Variants in CDH13 observed in about 807,000 individuals in gnomAD.
The protein encoded by CDH13 is cadherin 13, also known as cadherin-13.
CDH13 carries 24 observed loss-of-function variants against 63.8 expected under a neutral mutation model. The ratio of observed to expected loss-of-function variants is 0.38; its 90% confidence interval spans 0.27 to 0.53. The LOEUF is 0.53. CDH13 is among the 20% of genes least tolerant of loss of function. The pLI, the probability that CDH13 is intolerant of heterozygous loss-of-function variation, is 0.85. For synonymous variants in CDH13, 503 were observed against 355.3 expected, an observed-to-expected ratio of 1.42 and a Z score of -4.67; for missense variants, 1,049 against 903.1, an observed-to-expected ratio of 1.16 and a Z score of -2.07.
At position 83,762,060 on chromosome 16, in the gene CDH13, TA is replaced by T. The variant is rs779827576; in HGVS notation, c.1681+13816del. Among the ~76,000 whole-genome samples, 225 of 152,178 alleles carry T rather than the reference TA, an allele frequency of 1.5e-3. 2 individuals are homozygous for T. The highest frequency in any genetic ancestry group is 2.7e-3 in the Non-Finnish European group (187 of 68,002). ...CTGGGTGACAGAGCGAGACCCCACCTAAAAAATAAAATAAAAATAAAATAAG... is the reference window on the plus strand; with the variant it reads ...CTGGGTGACAGAGCGAGACCCCACCTAAAAATAAAATAAAAATAAAATAAG... On this transcript the variant is annotated intron_variant, in intron 11 of 13. Transcript: ENST00000567109.
chr16:83,121,962 T>TCACACACACACACA lies in CDH13; in HGVS notation c.367-3403_367-3390dup, dbSNP rs10665608. Among the ~76,000 whole-genome samples the TCACACACACACACA allele has an allele frequency of 2.3e-3, 346 of 147,500 alleles. 3 individuals are homozygous for TCACACACACACACA. The highest frequency in any genetic ancestry group is 8.2e-3 in the African/African-American group (327 of 39,996). On this transcript the variant is annotated intron_variant, in intron 3 of 13. Coordinates refer to ENST00000567109, the MANE Select transcript of CDH13 (RefSeq NM_001257.5). ...TTACATAAATTTTCCTTTAAAACTG[T>TCACACACACACACA]CACACACACACACACACACACACAC... is the stretch of plus-strand genomic sequence containing the variant.
chr16:82,798,967 T>A (rs537298920), intron 1 of CDH13, among the ~76,000 whole-genome samples: 32 of 152,134 alleles, frequency 2.1e-4, no homozygotes, highest in Non-Finnish European at 3.8e-4. Flanking sequence ...GCAGAGTTAT[T>A]TAGGACCTGA....
intron 2 of CDH13, among the ~76,000 whole-genome samples, chr16:82,932,000 A>G (rs2042511973): frequency 6.6e-6 from 1 of 152,172 alleles, no homozygotes; most frequent in Admixed American, 6.5e-5. Flanking sequence ...AGGGGGGCAC[A>G]GTTAAGACCT....
At chr16:83,647,543 T>C (rs966391581) in intron 8 of CDH13, among the ~76,000 whole-genome samples, 2 of 152,220 alleles carry the variant, frequency 1.3e-5, no homozygotes, top group Non-Finnish European at 2.9e-5. Flanking sequence ...CATGCGTGTG[T>C]GTGTTGAACT....
At chr16:83,689,365 C>T (rs532902545) in intron 10 of CDH13, among the ~76,000 whole-genome samples, 1 of 152,138 alleles carries the variant, frequency 6.6e-6, no homozygotes, top group Non-Finnish European at 1.5e-5. Flanking sequence ...GAAAAAGCCA[C>T]ACATTTCAGG....
intron 7 of CDH13, among the ~76,000 whole-genome samples, chr16:83,567,076 C>T (rs938461715): frequency 1.3e-5 from 2 of 152,156 alleles, no homozygotes; most frequent in African/African-American, 4.8e-5. Flanking sequence ...CAATTTTCCC[C>T]ATTTGCCATC....
chr16:83,657,357 A>G (rs1912960929), intron 8 of CDH13, among the ~76,000 whole-genome samples: 2 of 152,146 alleles, frequency 1.3e-5, no homozygotes, highest in African/African-American at 4.8e-5. Flanking sequence ...ACCGTCAAGA[A>G]GACAGGCTGC....
At chr16:82,842,123 TATATATATATATATAC>T (rs1567590380) in intron 1 of CDH13, among the ~76,000 whole-genome samples, 7 of 47,822 alleles carry the variant, frequency 1.5e-4, no homozygotes, top group African/African-American at 3.5e-4. Flanking sequence ...TATATATATA[TATATATATATATATAC>T]ACATATATAT....
chr16:83,722,121 G>A (rs917187609), intron 10 of CDH13, among the ~76,000 whole-genome samples: 50 of 152,104 alleles, frequency 3.3e-4, no homozygotes, highest in African/African-American at 1.2e-3. Context: ...AGAGTGGGGA[G>A]GAGTGTGCCA....
chr16:83,134,253 C>T (rs915203515), intron 4 of CDH13, among the ~76,000 whole-genome samples: 16 of 152,094 alleles, frequency 1.1e-4, no homozygotes, highest in African/African-American at 3.9e-4. Flanking sequence ...AGTGCAGTGG[C>T]ACAATCTTGG....
In CDH13 at chr16:83,017,870, G is replaced by A. The variant is rs537476619; in HGVS notation, c.158-14140G>A. 1.9e-3 allele frequency among the ~76,000 whole-genome samples: 289 copies of A among 152,304 alleles called. 1 individual carries two copies. The highest frequency in any genetic ancestry group is 0.017 in the Middle Eastern group (5 of 294). The stretch of plus-strand genomic sequence containing the variant: ...AAATGATGTCCTGCTAGCATCTGCA[G>A]CTGGGTCATAAACCAAAGCTTAATG... On this transcript the variant is annotated intron_variant, in intron 2 of 13. Coordinates refer to ENST00000567109, the MANE Select transcript of CDH13 (RefSeq NM_001257.5).
intron 3 of CDH13, among the ~76,000 whole-genome samples, chr16:83,043,512 T>C (rs969054139): frequency 2.0e-5 from 3 of 151,928 alleles, no homozygotes; most frequent in African/African-American, 7.3e-5. Context: ...TGTGTGTGTG[T>C]GTGTGTGTGT....
chr16:82,967,422 C>G (rs1346313901), intron 2 of CDH13, among the ~76,000 whole-genome samples: 1 of 152,134 alleles, frequency 6.6e-6, no homozygotes, highest in African/African-American at 2.4e-5. Context: ...TGAGCTCATA[C>G]CTGGTTCGTA....
At chr16:83,144,051 G>C (rs575866577) in intron 4 of CDH13, among the ~76,000 whole-genome samples, 1 of 152,074 alleles carries the variant, frequency 6.6e-6, no homozygotes, top group Non-Finnish European at 1.5e-5. Context: ...TATGAGATAA[G>C]GCTAGTAACA....
At position 83,314,224 on chromosome 16, in the gene CDH13, C is replaced by G. The variant is rs1382918888; in HGVS notation, c.637-30638C>G. ...GGAAACGGACAATCTATAATATCTT[C>G]TCTCTTCTTCTTCTTTTTTAACCAA... On this transcript the variant is annotated intron_variant, in intron 5 of 13. Transcript: ENST00000567109. Among the ~76,000 whole-genome samples the G allele has an allele frequency of 2.0e-5, 3 of 152,130 alleles. 1 individual carries two copies. The highest frequency in any genetic ancestry group is 7.2e-5 in the African/African-American group (3 of 41,426).
intron 2 of CDH13, among the ~76,000 whole-genome samples, chr16:82,952,585 A>T (rs776207826): frequency 4.7e-4 from 71 of 152,232 alleles, no homozygotes; most frequent in Non-Finnish European, 8.7e-4. Flanking sequence ...TAATAACAGT[A>T]GCTAATATCT....
intron 6 of CDH13, among the ~76,000 whole-genome samples, chr16:83,398,371 A>C (rs956579342): frequency 3.3e-5 from 5 of 151,940 alleles, no homozygotes; most frequent in African/African-American, 1.2e-4. Context: ...CATCATTTTC[A>C]TCTCTGCCTT....
intron 6 of CDH13, among the ~76,000 whole-genome samples, chr16:83,420,577 G>A (rs746756006): frequency 6.6e-6 from 1 of 152,130 alleles, no homozygotes; most frequent in African/African-American, 2.4e-5. Flanking sequence ...ATTACCAGTG[G>A]TACCATTATC....
chr16:82,833,994 T>C (rs574134825), intron 1 of CDH13, among the ~76,000 whole-genome samples: 1 of 152,356 alleles, frequency 6.6e-6, no homozygotes, highest in South Asian at 2.1e-4. Context: ...CCCAATCAGG[T>C]TAGTCACTGG....
Sources: allele counts gnomAD v4.1 joint callset (sites outside exome capture counted in the v4.1 genomes callset), GRCh38; gene constraint gnomAD v4.1.1; transcripts MANE v1.5; gene names NCBI Gene and HGNC (gene_info 2026-07-23, HGNC 2026-07-21).